Variants in RUSC2 observed in about 807,000 individuals in gnomAD.
RUSC2 encodes RUN and SH3 domain containing 2.
A neutral mutation model predicts 122.2 loss-of-function variants in RUSC2; 34 were observed. The ratio of observed to expected loss-of-function variants is 0.28; its 90% CI spans 0.21 to 0.37. RUSC2 has a LOEUF of 0.37. Ranked by LOEUF, RUSC2 falls within the 10% of genes least tolerant of loss-of-function variation. RUSC2 has a pLI of 1.00. For synonymous variants in RUSC2, 784 were observed against 790.0 expected (o/e 0.99, Z 0.13); for missense variants, 1,747 against 1,952.4 (o/e 0.89, Z 1.98).
At chr9:35,497,971 T>A (rs1223953817) in intron 1 of RUSC2, among the ~76,000 whole-genome samples, 1 of 152,220 alleles carries the variant, frequency 6.6e-6, no homozygotes, top group Non-Finnish European at 1.5e-5. Context: ...TTGCCTATAT[T>A]CTCAGCTAAT....
chr9:35,548,145 ACCT>A lies in RUSC2; in HGVS notation c.1628_1630del (p.Ser543del). On this transcript the variant is annotated inframe_deletion, in exon 2 of 12. Transcript: ENST00000361226. This position sits in a 1 kb window ranked among gnomAD's most constrained non-coding sequence, Gnocchi z 4.5. ...GCCTGGCTCCCCACCCAGGAGGGTCACCTCCTTTGCCGAGCTGGCCAAGGGCCG... is the reference window on the plus strand; with the variant it reads ...GCCTGGCTCCCCACCCAGGAGGGTCACCTTTGCCGAGCTGGCCAAGGGCCG... The A allele has an allele frequency of 6.2e-7, 1 of 1,613,158 alleles. No individual in the cohort carries two copies. Among genetic ancestry groups the A allele is most frequent in the Non-Finnish European group, 8.5e-7 (1 of 1,179,988 alleles).
chr9:35,555,344 T>C lies in RUSC2; in HGVS notation c.2299T>C (p.Ser767Pro), dbSNP rs1233093516. The change falls in exon 3 of 12, where the codon TCT (serine) becomes CCT (proline). Residue 767 changes from serine to proline, a missense_variant. Physicochemically the swap from Ser to Pro is moderately conservative, Grantham distance 74. Coordinates refer to ENST00000361226, the MANE Select transcript of RUSC2 (RefSeq NM_014806.5). The surrounding 1 kb of genome is among the most constrained non-coding windows in gnomAD (Gnocchi z 4.6). ...ATGRGARKAG[S>P]EPETSRPSPL... ...TGGCAGAGGTGCCAGGAAAGCTGGG[T>C]CTGAGCCAGAGACCTCTCGGCCATC... 6.2e-7 allele frequency: 1 copy of C among 1,614,202 alleles called. No individual in the cohort carries two copies. The highest frequency in any genetic ancestry group is 2.2e-5 in the East Asian group (1 of 44,886).
intron 1 of RUSC2, among the ~76,000 whole-genome samples, chr9:35,545,934 G>T (rs1035967569): frequency 1.3e-5 from 2 of 152,212 alleles, no homozygotes; most frequent in Non-Finnish European, 2.9e-5. Context: ...ATTTTAAAAT[G>T]CTTCTTGCAA....
chr9:35,555,049 CT>C lies in RUSC2; in HGVS notation c.2015-8del, dbSNP rs1453583500. The C allele has an allele frequency of 4.3e-6, 7 of 1,609,686 alleles. 1 individual carries two copies. Among genetic ancestry groups the C allele is most frequent in the East Asian group, 2.2e-5 (1 of 44,890 alleles). On this transcript the variant is annotated splice_polypyrimidine_tract_variant and intron_variant, in intron 2 of 11. Coordinates refer to ENST00000361226, the MANE Select transcript of RUSC2 (RefSeq NM_014806.5). The surrounding 1 kb of genome is among the most constrained non-coding windows in gnomAD (Gnocchi z 4.6). Reference sequence around the variant, plus strand: ...CTGTCTACTGATTTCTTCTCCATCCCTTTGCTACAGGGGGTGGCACCGAGAG... The same window carrying C: ...CTGTCTACTGATTTCTTCTCCATCCCTTGCTACAGGGGGTGGCACCGAGAG...
chr9:35,541,807 A>T (rs1053163837), intron 1 of RUSC2, among the ~76,000 whole-genome samples: 1 of 151,976 alleles, frequency 6.6e-6, no homozygotes, highest in African/African-American at 2.4e-5. Flanking sequence ...CCTGAGTCTC[A>T]TCTTAATTCT....
chr9:35,553,975 C>T (rs968979356), intron 2 of RUSC2, among the ~76,000 whole-genome samples: 3 of 152,206 alleles, frequency 2.0e-5, no homozygotes, highest in African/African-American at 7.2e-5. Flanking sequence ...TCTAGCTCTG[C>T]CACTTCCTAG....
chr9:35,498,156 T>G (rs536552110), intron 1 of RUSC2, among the ~76,000 whole-genome samples: 1 of 91,778 alleles, frequency 1.1e-5, no homozygotes, highest in East Asian at 2.9e-4. Flanking sequence ...ATTTTAGTTT[T>G]GGTTTTTTTT....
chr9:35,535,265 AC>A (rs979858108), intron 1 of RUSC2, among the ~76,000 whole-genome samples: 1 of 151,718 alleles, frequency 6.6e-6, no homozygotes, highest in Non-Finnish European at 1.5e-5. Context: ...ACAGGTGCCC[AC>A]CACCACACCC....
At chr9:35,522,159 A>T (rs911027050) in intron 1 of RUSC2, among the ~76,000 whole-genome samples, 1 of 152,252 alleles carries the variant, frequency 6.6e-6, no homozygotes, top group African/African-American at 2.4e-5. Context: ...TGACTTTCCA[A>T]ATTCGTGTAC....
chr9:35,537,665 A>T (rs1055350935), intron 1 of RUSC2, among the ~76,000 whole-genome samples: 2 of 152,194 alleles, frequency 1.3e-5, no homozygotes, highest in African/African-American at 4.8e-5. Flanking sequence ...GAAAAGTTAC[A>T]TCTCTTCTGG....
intron 1 of RUSC2, among the ~76,000 whole-genome samples, chr9:35,529,949 G>A (rs1821389196): frequency 6.6e-6 from 1 of 151,974 alleles, no homozygotes; most frequent in South Asian, 2.1e-4. Flanking sequence ...CCATTCAGTA[G>A]CTTTGTTTTT....
chr9:35,491,827 TAGTCCCAGCAACTCAGGAGGCTGA>T (rs542631147), intron 1 of RUSC2, among the ~76,000 whole-genome samples: 277 of 152,214 alleles, frequency 1.8e-3, no homozygotes, highest in African/African-American at 6.2e-3. Flanking sequence ...TGTGCACATG[TAGTCCCAGCAACTCAGGAGGCTGA>T]AGTCCCAGCA....
intron 1 of RUSC2, among the ~76,000 whole-genome samples, chr9:35,525,157 A>G (rs1821301239): frequency 6.6e-6 from 1 of 152,124 alleles, no homozygotes; most frequent in Non-Finnish European, 1.5e-5. Flanking sequence ...CTTTTCTCTG[A>G]GGTAGTTCAG....
chr9:35,512,099 T>C (rs1327210301), intron 1 of RUSC2, among the ~76,000 whole-genome samples: 6 of 152,084 alleles, frequency 3.9e-5, no homozygotes, highest in Non-Finnish European at 1.5e-5. Flanking sequence ...GAGAATGGCA[T>C]GAACCCGGGA....
intron 1 of RUSC2, among the ~76,000 whole-genome samples, chr9:35,523,148 A>T (rs1403860042): frequency 6.6e-6 from 1 of 152,104 alleles, no homozygotes; most frequent in Non-Finnish European, 1.5e-5. Flanking sequence ...CAACATCTAA[A>T]CTGTTTATCT....
intron 1 of RUSC2, among the ~76,000 whole-genome samples, chr9:35,500,786 C>T (rs778789657): frequency 6.6e-6 from 1 of 152,170 alleles, no homozygotes; most frequent in Admixed American, 6.5e-5. Context: ...ATATTTATAG[C>T]TATAGTTAAC....
intron 1 of RUSC2, among the ~76,000 whole-genome samples, chr9:35,521,533 C>G (rs1001412967): frequency 6.6e-6 from 1 of 152,174 alleles, no homozygotes. Flanking sequence ...GAATTGGAGC[C>G]TTGGGCGCCT....
chr9:35,510,689 G>A (rs974478181), intron 1 of RUSC2, among the ~76,000 whole-genome samples: 4 of 152,148 alleles, frequency 2.6e-5, no homozygotes, highest in African/African-American at 9.7e-5. Context: ...GGCATTTAAG[G>A]TTCTCAGGGC....
At chr9:35,494,023 T>A (rs1308639511) in intron 1 of RUSC2, among the ~76,000 whole-genome samples, 1 of 152,164 alleles carries the variant, frequency 6.6e-6, no homozygotes, top group Admixed American at 6.6e-5. Flanking sequence ...GGTAATTTTA[T>A]GTTTATGTTT....
Sources: gnomAD v4.1 joint callset for allele counts (sites outside exome capture counted in the v4.1 genomes callset) on GRCh38, gnomAD v4.1.1 for gene constraint, Gnocchi (gnomAD v3.1) non-coding constraint, MANE v1.5 for transcripts, NCBI Gene and HGNC (gene_info 2026-07-23, HGNC 2026-07-21) for gene names.